RUVBL1: variants seen among roughly 807,000 people sequenced by gnomAD.
The protein encoded by RUVBL1 is RuvB like AAA ATPase 1.
In RUVBL1, 4 loss-of-function variants were observed where a neutral mutation model predicts 52.4. The observed-to-expected ratio is 0.08, with a 90% CI of 0.04 to 0.17. The LOEUF is 0.17. Among genes scored for constraint, RUVBL1 ranks in the 10% least tolerant of loss-of-function variants. The pLI, the probability that RUVBL1 is intolerant of heterozygous loss-of-function variation, is 1.00. For synonymous variants in RUVBL1, 217 were observed against 214.4 expected, an observed-to-expected ratio of 1.01 and a Z score of -0.10; for missense variants, 298 against 572.8, an observed-to-expected ratio of 0.52 and a Z score of 4.90.
intron 4 of RUVBL1, among the ~76,000 whole-genome samples, chr3:128,103,176 A>C (rs150344614): frequency 6.6e-6 from 1 of 152,242 alleles, no homozygotes; most frequent in East Asian, 1.9e-4. Context: ...TTGTAAAGAA[A>C]CTGTACAAAG....
intron 1 of RUVBL1, among the ~76,000 whole-genome samples, chr3:128,135,201 C>A (rs1177144084): frequency 6.6e-6 from 1 of 152,248 alleles, no homozygotes; most frequent in African/African-American, 2.4e-5. Flanking sequence ...TCAGTGGGAA[C>A]CTTACAGGCC....
At chr3:128,150,780 CTATATATAT>C (rs1559841342) in intron 1 of RUVBL1, among the ~76,000 whole-genome samples, 2 of 90,730 alleles carry the variant, frequency 2.2e-5, no homozygotes, top group African/African-American at 9.0e-5. Flanking sequence ...ATTATATATT[CTATATATAT>C]TCTATATATT....
chr3:128,123,818 A>C (rs535849484), upstream of RUVBL1: 1 of 1,447,366 alleles, frequency 6.9e-7, no homozygotes, highest in Non-Finnish European at 9.2e-7. Flanking sequence ...TTACTAGGGC[A>C]ATTTGCAAAG....
At chr3:128,145,483 C>T (rs975789964) in intron 1 of RUVBL1, among the ~76,000 whole-genome samples, 2 of 152,230 alleles carry the variant, frequency 1.3e-5, no homozygotes, top group African/African-American at 4.8e-5. Flanking sequence ...GGTAGCCAAT[C>T]CAGCCCCCAG....
At chr3:128,147,624 C>T (rs553285260) in intron 1 of RUVBL1, among the ~76,000 whole-genome samples, 42 of 152,238 alleles carry the variant, frequency 2.8e-4, no homozygotes, top group Admixed American at 5.9e-4. Flanking sequence ...ACTGATGATG[C>T]TGAGCAAGCG....
chr3:128,118,667 TC>T (rs1943579072), intron 2 of RUVBL1, among the ~76,000 whole-genome samples: 1 of 152,160 alleles, frequency 6.6e-6, no homozygotes, highest in Non-Finnish European at 1.5e-5. Context: ...GCCCTTATCT[TC>T]CCTGCAAAGC....
intron 1 of RUVBL1, among the ~76,000 whole-genome samples, chr3:128,150,322 G>A (rs4857870): frequency 0.15 from 22,732 of 151,982 alleles, 1,823 homozygotes; most frequent in Admixed American, 0.2. Context: ...TAGAGGGACA[G>A]AACTAATGGA....
chr3:128,123,578 C>A lies in RUVBL1; in HGVS notation c.141+6G>T. 6.2e-7 allele frequency: 1 copy of A among 1,602,192 alleles called. No individual in the cohort carries two copies. The highest frequency in any genetic ancestry group is 1.1e-5 in the South Asian group (1 of 90,570). ...AGCCCCCAACTCCCTGGTCCACTGG[C>A]CACACCTCTCGCGCGTTCTCCTGGC... On this transcript the variant is annotated splice_donor_region_variant and intron_variant, in intron 1 of 10. Coordinates refer to ENST00000322623, the MANE Select transcript of RUVBL1 (RefSeq NM_003707.3).
chr3:128,145,162 G>C, intron 1 of RUVBL1, among the ~76,000 whole-genome samples: 2 of 152,182 alleles, frequency 1.3e-5, no homozygotes, highest in African/African-American at 2.4e-5. Context: ...CTCTGATATA[G>C]CACTTATTAA....
upstream of RUVBL1, among the ~76,000 whole-genome samples, chr3:128,128,134 G>A (rs1255507736): frequency 6.6e-6 from 1 of 152,016 alleles, no homozygotes; most frequent in Non-Finnish European, 1.5e-5. Flanking sequence ...CTGGGCATGC[G>A]CCACCACACC....
chr3:128,153,420 G>C (rs902826260), exon 1 of RUVBL1: 17 of 1,416,338 alleles, frequency 1.2e-5, no homozygotes, highest in Admixed American at 6.4e-5. Flanking sequence ...CGCCGGTTAC[G>C]GGGGGGCAAC....
At chr3:128,122,587 T>C (rs1041806867) in intron 1 of RUVBL1, among the ~76,000 whole-genome samples, 1 of 152,228 alleles carries the variant, frequency 6.6e-6, no homozygotes, top group African/African-American at 2.4e-5. Flanking sequence ...TTTGGAAAGA[T>C]GATGCTCAAA....
At chr3:128,089,761 T>C (rs1487484706) in intron 8 of RUVBL1, among the ~76,000 whole-genome samples, 2 of 151,716 alleles carry the variant, frequency 1.3e-5, no homozygotes, top group Non-Finnish European at 2.9e-5. Context: ...GAGACAGAAA[T>C]TAGCCAGGCC....
chr3:128,112,800 C>A (rs994849287), intron 3 of RUVBL1, 88 bp downstream of exon 3: 33 of 1,439,708 alleles, frequency 2.3e-5, no homozygotes, highest in Non-Finnish European at 2.8e-5. Context: ...GAATACCAGT[C>A]ATAAAGGCAT....
intron 2 of RUVBL1, among the ~76,000 whole-genome samples, chr3:128,117,492 G>A (rs749108269): frequency 2.6e-5 from 4 of 152,216 alleles, no homozygotes; most frequent in Non-Finnish European, 5.9e-5. Context: ...CCCTGCAAGG[G>A]CAAAACTGCC....
At chr3:128,121,710 C>A (rs1373088533) in intron 1 of RUVBL1, among the ~76,000 whole-genome samples, 3 of 108,790 alleles carry the variant, frequency 2.8e-5, no homozygotes, top group Admixed American at 9.6e-5. Flanking sequence ...AACTTCGTCT[C>A]AAAAAAAAAA....
intron 1 of RUVBL1, among the ~76,000 whole-genome samples, chr3:128,150,651 TATAC>T (rs1458099065): frequency 7.4e-6 from 1 of 135,378 alleles, no homozygotes; most frequent in Non-Finnish European, 1.5e-5. Flanking sequence ...ACATATATTC[TATAC>T]ATATTCTATA....
chr3:128,077,247 T>G (rs1254326172), downstream of RUVBL1, among the ~76,000 whole-genome samples: 5 of 151,974 alleles, frequency 3.3e-5, no homozygotes, highest in Non-Finnish European at 5.9e-5. Context: ...GCAGCCCCCG[T>G]GGCCGGCCCA....
At chr3:128,150,652 A>G (rs1944173117) in intron 1 of RUVBL1, among the ~76,000 whole-genome samples, 1 of 134,246 alleles carries the variant, frequency 7.4e-6, no homozygotes, top group Non-Finnish European at 1.5e-5. Context: ...CATATATTCT[A>G]TACATATTCT....
Sources: gnomAD v4.1 joint callset for allele counts (sites outside exome capture counted in the v4.1 genomes callset) on GRCh38, gnomAD v4.1.1 for gene constraint, MANE v1.5 for transcripts, NCBI Gene and HGNC (gene_info 2026-07-23, HGNC 2026-07-21) for gene names.